The following HEXB variants were observed in gnomAD, a reference collection of about 807,000 sequenced individuals.
The protein encoded by HEXB is beta-hexosaminidase subunit beta.
In HEXB, 51 loss-of-function variants were observed where a neutral mutation model predicts 71.2. The observed-to-expected ratio is 0.72, with a 90% CI of 0.57 to 0.90. The LOEUF (loss-of-function observed/expected upper bound fraction) is 0.90. Among genes scored for constraint, HEXB ranks in the 40% least tolerant of loss-of-function variants. HEXB has a pLI of 0.00. For missense variants in HEXB, 617 were observed against 677.0 expected, an observed-to-expected ratio of 0.91 and a Z score of 0.98; for synonymous variants, 266 against 249.3, an observed-to-expected ratio of 1.07 and a Z score of -0.63.
intron 1 of HEXB, among the ~76,000 whole-genome samples, chr5:74,675,736 TATGACTGACTTTAC>T (rs1189611042): frequency 7.2e-5 from 11 of 152,216 alleles, no homozygotes; most frequent in African/African-American, 2.7e-4. Flanking sequence ...AAGGAAGTGA[TATGACTGACTTTAC>T]ATTTTACAAA....
At chr5:74,654,080 C>T in intron 1 of HEXB, among the ~76,000 whole-genome samples, 1 of 152,270 alleles carries the variant, frequency 6.6e-6, no homozygotes, top group East Asian at 1.9e-4. Context: ...TGCCCTCACT[C>T]CCTTTGCCCC....
At chr5:74,647,497 G>C (rs978820043) in intron 1 of HEXB, among the ~76,000 whole-genome samples, 1 of 152,242 alleles carries the variant, frequency 6.6e-6, no homozygotes, top group Non-Finnish European at 1.5e-5. Context: ...AATGAACAAA[G>C]AATGAAGAAA....
chr5:74,650,361 G>A lies in HEXB; in HGVS notation c.-377+9803G>A, dbSNP rs372402013. On this transcript the variant is annotated intron_variant, in intron 1 of 13. Transcript: ENST00000511181. Reference sequence around the variant, plus strand: ...CACACAAAAACATATCCCTGTTGGAGCATTCTTTTAAAAGCAAATGATGTT... The same window carrying A: ...CACACAAAAACATATCCCTGTTGGAACATTCTTTTAAAAGCAAATGATGTT... Among the ~76,000 whole-genome samples the A allele has an allele frequency of 1.8e-4, 28 of 152,312 alleles. No homozygotes were observed. In the East Asian group the frequency reaches 2.5e-3, roughly 14 times the overall value.
Position 74,664,392 on chromosome 5 carries a change from T to G in HEXB, c.-377+23834T>G, listed in dbSNP as rs146124246. Among the ~76,000 whole-genome samples the G allele has an allele frequency of 2.7e-3, 381 of 141,114 alleles. 2 individuals are homozygous for G. Among genetic ancestry groups the G allele is most frequent in the African/African-American group, 9.4e-3 (355 of 37,646 alleles). 92.6% of individuals were successfully genotyped at this position (141,114 alleles called of 152,430 possible). On this transcript the variant is annotated intron_variant, in intron 1 of 13. Transcript: ENST00000511181. Reference sequence around the variant, plus strand: ...ATCAAAGTAGCTATGATCGTGCCATTGCACTCCAGCTTGGGCAATAGAGCA... The same window carrying G: ...ATCAAAGTAGCTATGATCGTGCCATGGCACTCCAGCTTGGGCAATAGAGCA...
chr5:74,640,937 G>A (rs1221594947), intron 1 of HEXB: 1 of 152,500 alleles, frequency 6.6e-6, no homozygotes, highest in African/African-American at 2.4e-5. Context: ...CGGGAGAGGG[G>A]GGCTGCGGGG....
chr5:74,669,321 G>A (rs1205645963), intron 1 of HEXB, among the ~76,000 whole-genome samples: 1 of 150,490 alleles, frequency 6.6e-6, no homozygotes, highest in Non-Finnish European at 1.5e-5. Context: ...TTTCAGTTAT[G>A]AGCATTATTC....
Position 74,672,441 on chromosome 5 carries a change from T to C in HEXB, c.-376-16887T>C, listed in dbSNP as rs1748557030. On this transcript the variant is annotated intron_variant, in intron 1 of 13. Coordinates refer to the HEXB transcript ENST00000511181. ...CCAGCTGCCTGCCTGTAAGTCCTGG[T>C]GAGAAGTGAGCCCTCACTCCATGCC... is the stretch of plus-strand genomic sequence containing the variant. 2.0e-5 allele frequency among the ~76,000 whole-genome samples: 3 copies of C among 152,330 alleles called. No homozygotes were observed. In the East Asian group the frequency reaches 5.8e-4, roughly 29 times the overall value.
intron 1 of HEXB, among the ~76,000 whole-genome samples, chr5:74,654,950 G>A (rs948342026): frequency 1.3e-5 from 2 of 152,138 alleles, no homozygotes; most frequent in Non-Finnish European, 2.9e-5. Context: ...GCTCAGGACC[G>A]CTGAATATGG....
chr5:74,658,459 T>C (rs1748259350), intron 1 of HEXB, among the ~76,000 whole-genome samples: 2 of 152,176 alleles, frequency 1.3e-5, no homozygotes, highest in African/African-American at 4.8e-5. Flanking sequence ...ATGGAGCCAG[T>C]CACACCAGAG....
intron 6 of HEXB, among the ~76,000 whole-genome samples, chr5:74,711,427 T>A (rs1749538113): frequency 6.6e-6 from 1 of 151,476 alleles, no homozygotes; most frequent in Non-Finnish European, 1.5e-5. Flanking sequence ...AAGCCAAAAT[T>A]GACAAATGGG....
Position 74,715,325 on chromosome 5 carries a change from CAA to C in HEXB, c.902-183_902-182del, listed in dbSNP as rs371289383. On this transcript the variant is annotated intron_variant, in intron 7 of 13. Transcript: ENST00000261416. ...TCAGATATAATGGGAAACAAAGAGG[CAA>C]AGAGACAGGATTCAGGAAACCCTTC... Among the ~76,000 whole-genome samples, 559 of 152,218 alleles carry C rather than the reference CAA, an allele frequency of 3.7e-3. 6 individuals are homozygous for C. The highest frequency in any genetic ancestry group is 0.013 in the African/African-American group (536 of 41,518).
rs186225102 is a variant in HEXB at position 74,696,215 on chromosome 5, G to T, written c.512-478G>T. On this transcript the variant is annotated intron_variant, in intron 3 of 13. Transcript: ENST00000261416. ...CACTTGAGTAAAAAATGTTCAGAAG[G>T]TAGTCTTTGCAGCTATAAGTAAAAT... is the stretch of plus-strand genomic sequence containing the variant. 2.6e-5 allele frequency among the ~76,000 whole-genome samples: 4 copies of T among 152,308 alleles called. No homozygotes were observed. The East Asian group carries it at 7.7e-4, about 29-fold the overall frequency.
chr5:74,717,644 TAAAAA>T (rs563927136), intron 9 of HEXB, among the ~76,000 whole-genome samples: 1 of 150,924 alleles, frequency 6.6e-6, no homozygotes, highest in Non-Finnish European at 1.5e-5. Context: ...TTTTTTAACT[TAAAAA>T]AAACCTCAAA....
intron 5 of HEXB, among the ~76,000 whole-genome samples, chr5:74,704,751 T>G (rs1749341591): frequency 6.6e-6 from 1 of 152,176 alleles, no homozygotes; most frequent in African/African-American, 2.4e-5. Context: ...TCATGTGAAG[T>G]ATATATGATG....
At chr5:74,708,138 A>G (rs989486506) in intron 6 of HEXB, among the ~76,000 whole-genome samples, 1 of 152,076 alleles carries the variant, frequency 6.6e-6, no homozygotes, top group African/African-American at 2.4e-5. Context: ...CCAATATTCA[A>G]CATTCTTAAA....
Position 74,718,956 on chromosome 5 carries a change from C to A in HEXB, c.1402C>A (p.Pro468Thr). ...QDWRKYYKVE[P>T]LDFGGTQKQK... is the part of the protein sequence containing the mutation. ...TTGGAGGAAATACTATAAAGTGGAA[C>A]CTCTTGATTTTGGCGGTAAGTGAAG... The change falls in exon 11 of 14, where the codon CCT (proline) becomes ACT (threonine). Residue 468 changes from proline (P) to threonine (T), a missense_variant. Coordinates refer to ENST00000261416, the MANE Select transcript of HEXB (RefSeq NM_000521.4). The A allele has an allele frequency of 6.2e-7, 1 of 1,614,056 alleles. No homozygotes were observed. Among genetic ancestry groups the A allele is most frequent in the Non-Finnish European group, 8.5e-7 (1 of 1,179,992 alleles).
rs1749826615 is a variant in HEXB, at chr5:74,720,918, T to C, written c.1613+171T>C. 3 of 768,000 alleles carry C rather than the reference T, an allele frequency of 3.9e-6. No individual in the cohort carries two copies. In the African/African-American group the frequency reaches 5.3e-5, roughly 13 times the overall value. 47.6% of individuals were successfully genotyped at this position (768,000 alleles called of 1,614,324 possible). A position where few individuals can be genotyped will look rare whatever the true frequency, so the allele number is the denominator to read the frequency against. On this transcript the variant is annotated intron_variant, in intron 13 of 13. Coordinates refer to ENST00000261416, the MANE Select transcript of HEXB (RefSeq NM_000521.4). Reference sequence around the variant, plus strand: ...AAGATATATTCAGACTTGTGACTGTTTTATAGATACAAAAAATGTTGGTGT... The same window carrying C: ...AAGATATATTCAGACTTGTGACTGTCTTATAGATACAAAAAATGTTGGTGT...
chr5:74,644,752 C>CTCTTTTT (rs1245190174), intron 1 of HEXB, among the ~76,000 whole-genome samples: 2 of 136,188 alleles, frequency 1.5e-5, no homozygotes, highest in East Asian at 2.2e-4. Flanking sequence ...AGTATTCTTC[C>CTCTTTTT]TCTTTTTTTT....
intron 1 of HEXB, among the ~76,000 whole-genome samples, chr5:74,672,683 G>C (rs1335601442): frequency 3.9e-5 from 6 of 152,242 alleles, no homozygotes; most frequent in Non-Finnish European, 7.3e-5. Flanking sequence ...TGGGTAGCTA[G>C]TGCCATTTCT....
Sources: gnomAD v4.1 joint callset for allele counts (sites outside exome capture counted in the v4.1 genomes callset) on GRCh38, gnomAD v4.1.1 for gene constraint, MANE v1.5 for transcripts, NCBI Gene and HGNC (gene_info 2026-07-23, HGNC 2026-07-21) for gene names.